ATG2A: variants seen among roughly 807,000 people sequenced by gnomAD.
ATG2A encodes the protein autophagy-related protein 2 homolog A.
Under a neutral mutation model 214.2 loss-of-function variants are expected in ATG2A, and 103 were observed. The ratio of observed to expected loss-of-function variants is 0.48; its 90% CI spans 0.41 to 0.57. The LOEUF is 0.57. ATG2A is among the 20% of genes least tolerant of loss of function. ATG2A has a pLI of 0.00. For missense variants in ATG2A, 2,312 were observed against 2,613.2 expected (o/e 0.88, Z 2.51); for synonymous variants, 1,160 against 1,142.1 (o/e 1.02, Z -0.32).
chr11:64,909,408 C>G (rs1944677273), intron 14 of ATG2A, 41 bp from the exon 15 acceptor site: 2 of 1,585,094 alleles, frequency 1.3e-6, no homozygotes, highest in African/African-American at 2.7e-5. Flanking sequence ...TCACTGCTGC[C>G]TTTTCCTATT....
chr11:64,906,887 G>A (rs971650005), intron 19 of ATG2A, 72 bp from the exon 20 acceptor site: 2 of 1,523,726 alleles, frequency 1.3e-6, no homozygotes, highest in African/African-American at 1.4e-5. Flanking sequence ...GGGGTTGGCG[G>A]CTCCTGGAGC....
chr11:64,907,093 T>C (rs1944580317), intron 19 of ATG2A, among the ~76,000 whole-genome samples, 162 bp downstream of exon 19: 1 of 152,188 alleles, frequency 6.6e-6, no homozygotes. Flanking sequence ...AAGGAGCTGA[T>C]GGGCTGTGAC....
At position 64,903,663 on chromosome 11, in the gene ATG2A, G is replaced by T; in HGVS notation, c.3465-3C>A. 2.6e-6 allele frequency: 4 copies of T among 1,548,594 alleles called. No homozygotes were observed. Among genetic ancestry groups the T allele is most frequent in the East Asian group, 2.4e-5 (1 of 40,860 alleles). Reference sequence around the variant, plus strand: ...AGGCGGAGTCATCGAGGATGAACCTGGGGGGGAACAGGGCTGAGAAGGGCC... The same window carrying T: ...AGGCGGAGTCATCGAGGATGAACCTTGGGGGGAACAGGGCTGAGAAGGGCC... On this transcript the variant is annotated splice_region_variant and splice_polypyrimidine_tract_variant and intron_variant, in intron 24 of 40. Coordinates refer to ENST00000377264, the MANE Select transcript of ATG2A (RefSeq NM_015104.3). This position sits in a 1 kb window ranked among gnomAD's most constrained non-coding sequence, Gnocchi z 4.2.
chr11:64,915,614 A>G (rs377522082), intron 1 of ATG2A, among the ~76,000 whole-genome samples: 48 of 152,032 alleles, frequency 3.2e-4, no homozygotes, highest in Admixed American at 2.3e-3. Flanking sequence ...GGCCCTAGAG[A>G]AGCCAATTCA....
In ATG2A at chr11:64,898,871, T is replaced by A; in HGVS notation, c.4465-29A>T. On this transcript the variant is annotated intron_variant, in intron 31 of 40. Coordinates refer to ENST00000377264, the MANE Select transcript of ATG2A (RefSeq NM_015104.3). The surrounding 1 kb of genome is among the most constrained non-coding windows in gnomAD (Gnocchi z 4.5). ...TGGGGTGGACAGAGGCCTGGCCAGG[T>A]AAGCAGGGCCCCAAGAGGGAGGGAA... 12 of 1,593,190 alleles carry A rather than the reference T, an allele frequency of 7.5e-6. No individual in the cohort carries two copies. Among genetic ancestry groups the A allele is most frequent in the Non-Finnish European group, 1.0e-5 (12 of 1,172,468 alleles).
chr11:64,901,074 C>A lies in ATG2A; in HGVS notation c.4138G>T (p.Val1380Leu), dbSNP rs1218500723. ...GGGCCGGGATGCAGCTGTGTCACCA[C>A]AGGCTCCCCATCTCGGGGCTGCAGG... ...LGIPPRDGEP[V>L]VTQLHPGPIV... The change falls in exon 30 of 41, where the codon GTG becomes TTG. Residue 1380 changes from valine (V) to leucine (L), a missense_variant. Val to Leu is a conservative substitution (Grantham distance 32). Transcript: ENST00000377264. 1.3e-6 allele frequency: 2 copies of A among 1,572,032 alleles called. No homozygotes were observed. Among genetic ancestry groups the A allele is most frequent in the Non-Finnish European group, 1.7e-6 (2 of 1,158,906 alleles).
intron 16 of ATG2A, 25 bp downstream of exon 16, chr11:64,908,966 G>T: frequency 2.6e-6 from 4 of 1,550,972 alleles, no homozygotes; most frequent in Non-Finnish European, 2.6e-6. Flanking sequence ...AGGGGGTCCT[G>T]GGAAGAGGTG....
At position 64,912,316 on chromosome 11, in the gene ATG2A, AG is replaced by A; in HGVS notation, c.922+10del. Reference sequence around the variant, plus strand: ...CAGCCACCCCACCCCCATGCCACCCAGGGGCCTCACCTGTAAGGCTCACGGC... The same window carrying A: ...CAGCCACCCCACCCCCATGCCACCCAGGGCCTCACCTGTAAGGCTCACGGC... On this transcript the variant is annotated intron_variant, in intron 7 of 40. Coordinates refer to ENST00000377264, the MANE Select transcript of ATG2A (RefSeq NM_015104.3). 1 of 713,828 alleles carries A rather than the reference AG, an allele frequency of 1.4e-6. No individual in the cohort carries two copies. The highest frequency in any genetic ancestry group is 2.2e-6 in the Non-Finnish European group (1 of 445,052). 44.2% of individuals were successfully genotyped at this position (713,828 alleles called of 1,614,324 possible). A position where few individuals can be genotyped will look rare whatever the true frequency, so the allele number is the denominator to read the frequency against.
At position 64,913,320 on chromosome 11, in the gene ATG2A, G is replaced by T; in HGVS notation, c.672C>A (p.His224Gln). 2 of 1,608,948 alleles carry T rather than the reference G, an allele frequency of 1.2e-6. 1 individual carries two copies. The highest frequency in any genetic ancestry group is 2.2e-5 in the South Asian group (2 of 90,290). The part of the protein sequence containing the change: ...VDVHQPPAFL[H>Q]KLLQLAGVRL... ...GGACCCCTGCCAGCTGCAGCAGCTT[G>T]TGCAGGAAGGCAGGCGGCTGATGCA... The change falls in exon 5 of 41, where the codon CAC (histidine) becomes CAA (glutamine). Residue 224 changes from histidine (H) to glutamine (Q), a missense_variant. His to Gln is a conservative substitution (Grantham distance 24). Transcript: ENST00000377264. This position sits in a 1 kb window ranked among gnomAD's most constrained non-coding sequence, Gnocchi z 4.3.
intron 38 of ATG2A, 26 bp downstream of exon 38, chr11:64,896,722 G>T (rs150740265): frequency 1.2e-6 from 2 of 1,612,438 alleles, no homozygotes; most frequent in Non-Finnish European, 1.7e-6. Context: ...AAGCAGTTTC[G>T]AGGGCTTCCA....
In ATG2A at chr11:64,911,153, G is replaced by A. The variant is rs1944757890; in HGVS notation, c.1351C>T (p.Leu451Phe). ...TSAPSSGPPD[L>F]ATHFFTEFDA... ...AACTCGGTGAAAAAGTGCGTGGCGAGGTCAGGTGGTCCGGAAGATGGGGCA... is the reference window on the plus strand; with the variant it reads ...AACTCGGTGAAAAAGTGCGTGGCGAAGTCAGGTGGTCCGGAAGATGGGGCA... Residue 451 changes from leucine (L) to phenylalanine (F), a missense_variant, in exon 10 of 41, where the codon CTC becomes TTC. Physicochemically the swap from Leu to Phe is conservative, Grantham distance 22. Transcript: ENST00000377264. The A allele has an allele frequency of 6.2e-7, 1 of 1,614,062 alleles. No individual in the cohort carries two copies. The highest frequency in any genetic ancestry group is 8.5e-7 in the Non-Finnish European group (1 of 1,180,044).
rs199819471 is a variant in ATG2A at position 64,900,548 on chromosome 11, C to T, written c.4410G>A (p.Thr1470=). 1.8e-5 allele frequency: 29 copies of T among 1,613,408 alleles called. No individual in the cohort carries two copies. Among genetic ancestry groups the T allele is most frequent in the Admixed American group, 1.0e-4 (6 of 60,022 alleles). The change falls in exon 31 of 41, where the codon ACG becomes ACA. Residue 1470 remains threonine (T), a synonymous_variant. Transcript: ENST00000377264. ...GPNRPQNSWR[T]QGGSGRQHHV... The stretch of plus-strand genomic sequence containing the variant: ...GGTGCTGCCGCCCGCTGCCCCCCTG[C>T]GTGCGCCATGAGTTCTGGGGCCGGT...
In ATG2A at chr11:64,913,209, G is replaced by C. The variant is rs555437037; in HGVS notation, c.726+57C>G. Reference sequence around the variant, plus strand: ...AGAGATGGTCAGAAAGGATGGGAGGGGCTCAATGGGCTCAAGGGAGAGGAG... The same window carrying C: ...AGAGATGGTCAGAAAGGATGGGAGGCGCTCAATGGGCTCAAGGGAGAGGAG... On this transcript the variant is annotated intron_variant, in intron 5 of 40. Transcript: ENST00000377264. This position sits in a 1 kb window ranked among gnomAD's most constrained non-coding sequence, Gnocchi z 4.3. The C allele has an allele frequency of 6.3e-5, 102 of 1,611,212 alleles. No individual in the cohort carries two copies. In the African/African-American group the frequency reaches 1.3e-3, roughly 20 times the overall value.
intron 9 of ATG2A, 42 bp downstream of exon 9, chr11:64,911,800 T>C: frequency 6.2e-7 from 1 of 1,609,756 alleles, no homozygotes. Flanking sequence ...CCTCTTCCAG[T>C]CCTTCCTGTC....
Position 64,902,182 on chromosome 11 carries a change from G to A in ATG2A, c.3905-6C>T. On this transcript the variant is annotated splice_polypyrimidine_tract_variant and splice_region_variant and intron_variant, in intron 28 of 40. Coordinates refer to ENST00000377264, the MANE Select transcript of ATG2A (RefSeq NM_015104.3). Reference sequence around the variant, plus strand: ...CGCCTGAGGGAGGTGGCCACCTATAGGAGAGAGGCCAGTTTGGAGAGGCGC... The same window carrying A: ...CGCCTGAGGGAGGTGGCCACCTATAAGAGAGAGGCCAGTTTGGAGAGGCGC... The A allele has an allele frequency of 6.2e-7, 1 of 1,612,926 alleles. No individual in the cohort carries two copies. Among genetic ancestry groups the A allele is most frequent in the Non-Finnish European group, 8.5e-7 (1 of 1,179,994 alleles).
chr11:64,908,477 G>T (rs1169615261), intron 16 of ATG2A, among the ~76,000 whole-genome samples: 1 of 152,178 alleles, frequency 6.6e-6, no homozygotes, highest in Non-Finnish European at 1.5e-5. Flanking sequence ...GCTTGAGCCT[G>T]GGAGGCGGAG....
chr11:64,912,976 G>T, intron 6 of ATG2A, 62 bp downstream of exon 6: 1 of 1,208,492 alleles, frequency 8.3e-7, no homozygotes, highest in Non-Finnish European at 1.1e-6. Flanking sequence ...AATCAGCCTT[G>T]CTGAGGAGGA....
chr11:64,896,098 G>A (rs1590617779), intron 39 of ATG2A, among the ~76,000 whole-genome samples: 1 of 152,198 alleles, frequency 6.6e-6, no homozygotes, highest in African/African-American at 2.4e-5. Flanking sequence ...GGTCCTTCTG[G>A]CCTAGCGAAG....
In ATG2A at chr11:64,897,437, G is replaced by A; in HGVS notation, c.5125C>T (p.Leu1709=). 1 of 1,570,820 alleles carries A rather than the reference G, an allele frequency of 6.4e-7. No individual in the cohort carries two copies. Residue 1709 remains leucine (L), a synonymous_variant, in exon 37 of 41, where the codon CTA becomes TTA. Coordinates refer to ENST00000377264, the MANE Select transcript of ATG2A (RefSeq NM_015104.3). ...LAQLNCSELK[L]KRLCCRHGLL... ...CCGTGCCTGCAACAGAGCCGCTTTA[G>A]CTTCAGCTCGGAGCAGTTGAGTTGG...
Sources: gnomAD v4.1 joint callset for allele counts (sites outside exome capture counted in the v4.1 genomes callset) on GRCh38, gnomAD v4.1.1 for gene constraint, Gnocchi (gnomAD v3.1) non-coding constraint, MANE v1.5 for transcripts, NCBI Gene and HGNC (gene_info 2026-07-23, HGNC 2026-07-21) for gene names.